The following SAMD4B variants were observed in gnomAD, a reference collection of about 807,000 sequenced individuals.
SAMD4B encodes protein Smaug homolog 2.
A neutral mutation model predicts 74.5 loss-of-function variants in SAMD4B; 5 were observed. The observed-to-expected ratio is 0.07, with a 90% CI of 0.04 to 0.14. SAMD4B has a LOEUF of 0.14. SAMD4B is among the 10% of genes least tolerant of loss of function. The probability of loss-of-function intolerance (pLI) is 1.00; values close to 1 mark genes in which losing one functional copy is unlikely to be tolerated. For missense variants in SAMD4B, 608 were observed against 921.8 expected (o/e 0.66, Z 4.41); for synonymous variants, 373 against 374.9 (o/e 1.00, Z 0.06).
Position 39,383,503 on chromosome 19 carries a change from G to T in SAMD4B, c.2061G>T (p.Gly687=). The change falls in exon 14 of 14, where the codon GGG becomes GGT. Residue 687 remains glycine (G), a synonymous_variant. Transcript: ENST00000610417. This position sits in a 1 kb window ranked among gnomAD's most constrained non-coding sequence, Gnocchi z 4.1. The part of the protein sequence containing the change: ...LSMTEHALGD[G]TDKTSTI ...TTCCTCCCTTTCTTACCACAGATGG[G>T]ACAGACAAAACCTCCACCATCTGAC... The T allele has an allele frequency of 6.2e-7, 1 of 1,614,114 alleles. No homozygotes were observed. Among genetic ancestry groups the T allele is most frequent in the Non-Finnish European group, 8.5e-7 (1 of 1,180,012 alleles).
At chr19:39,359,457 A>G (rs1247742058) in intron 3 of SAMD4B, among the ~76,000 whole-genome samples, 3 of 152,214 alleles carry the variant, frequency 2.0e-5, no homozygotes, top group South Asian at 2.1e-4. Context: ...GAATGCATAT[A>G]TATTTTCCTT....
downstream of SAMD4B, chr19:39,388,900 C>G: frequency 6.2e-7 from 1 of 1,609,754 alleles, no homozygotes; most frequent in Non-Finnish European, 8.5e-7. Context: ...TAGATGGGAA[C>G]AGGCACAAAT....
intron 3 of SAMD4B, among the ~76,000 whole-genome samples, chr19:39,367,467 C>T (rs1303351193): frequency 6.7e-6 from 1 of 150,174 alleles, no homozygotes; most frequent in African/African-American, 2.5e-5. Context: ...CCCTGTTTAG[C>T]TAGTCACAGA....
At chr19:39,348,888 G>C (rs957898440) in intron 1 of SAMD4B, among the ~76,000 whole-genome samples, 1 of 152,164 alleles carries the variant, frequency 6.6e-6, no homozygotes, top group Non-Finnish European at 1.5e-5. Flanking sequence ...TAGAGAAAGA[G>C]AGGAATCTAG....
At chr19:39,344,808 T>C (rs1232978305) in intron 1 of SAMD4B, among the ~76,000 whole-genome samples, 3 of 152,138 alleles carry the variant, frequency 2.0e-5, no homozygotes, top group Non-Finnish European at 4.4e-5. Context: ...GAGATCTTTC[T>C]TTCAGACCAT....
At chr19:39,387,380 C>G (rs1180208381), downstream of SAMD4B, among the ~76,000 whole-genome samples, 1 of 152,150 alleles carries the variant, frequency 6.6e-6, no homozygotes, top group African/African-American at 2.4e-5. Flanking sequence ...CAGTTAGTTA[C>G]CAACACTTTG....
At chr19:39,373,994 C>T (rs2077454634) in intron 4 of SAMD4B, among the ~76,000 whole-genome samples, 1 of 144,938 alleles carries the variant, frequency 6.9e-6, no homozygotes, top group Non-Finnish European at 1.5e-5. Flanking sequence ...TGACCAGGCA[C>T]AGGTGGCTTA....
chr19:39,389,433 A>G (rs533677311), downstream of SAMD4B: 59 of 1,611,966 alleles, frequency 3.7e-5, no homozygotes, highest in Middle Eastern at 4.9e-4. The surrounding 1 kb of genome is among the most constrained non-coding windows in gnomAD (Gnocchi z 5.3). Flanking sequence ...TCCTGCTTGT[A>G]GGGCCCACCT....
chr19:39,373,823 G>A (rs533038346), intron 4 of SAMD4B, among the ~76,000 whole-genome samples: 9 of 152,088 alleles, frequency 5.9e-5, no homozygotes, highest in African/African-American at 2.2e-4. Context: ...AATTAGCCAG[G>A]CGTGGTGGTG....
downstream of SAMD4B, chr19:39,389,764 G>A: frequency 1.2e-6 from 2 of 1,614,098 alleles, no homozygotes; most frequent in Non-Finnish European, 1.7e-6. The surrounding 1 kb of genome is among the most constrained non-coding windows in gnomAD (Gnocchi z 5.3). Context: ...GGACGAACCT[G>A]GGTGGGGAAA....
At chr19:39,343,857 T>G (rs2075500827) in intron 1 of SAMD4B, among the ~76,000 whole-genome samples, 1 of 151,810 alleles carries the variant, frequency 6.6e-6, no homozygotes, top group South Asian at 2.1e-4. Context: ...GAACTCCCCT[T>G]CACTAACACC....
downstream of SAMD4B, chr19:39,386,620 G>GT: frequency 6.2e-7 from 1 of 1,608,410 alleles, no homozygotes; most frequent in Non-Finnish European, 8.5e-7. This position sits in a 1 kb window ranked among gnomAD's most constrained non-coding sequence, Gnocchi z 6.1. Context: ...GTTCTGCTGG[G>GT]TTTTTGTCCC....
chr19:39,379,602 G>A (rs577046173), intron 9 of SAMD4B, among the ~76,000 whole-genome samples: 10 of 152,126 alleles, frequency 6.6e-5, no homozygotes, highest in South Asian at 4.2e-4. Context: ...ACAGAGTCTC[G>A]CTCTGTTGCC....
At chr19:39,345,826 CAGG>C (rs2075663993) in intron 1 of SAMD4B, among the ~76,000 whole-genome samples, 1 of 152,192 alleles carries the variant, frequency 6.6e-6, no homozygotes, top group Non-Finnish European at 1.5e-5. Flanking sequence ...ACTCCTCATT[CAGG>C]TTTAGTACAC....
chr19:39,367,960 A>G (rs1156691136), intron 3 of SAMD4B, among the ~76,000 whole-genome samples: 1 of 149,256 alleles, frequency 6.7e-6, no homozygotes, highest in African/African-American at 2.5e-5. Flanking sequence ...CACGCCTGTA[A>G]TCCCAGCACT....
At chr19:39,380,864 CTG>C (rs2077932275) in intron 11 of SAMD4B, 79 bp downstream of exon 11, 3 of 1,508,862 alleles carry the variant, frequency 2.0e-6, no homozygotes, top group South Asian at 1.3e-5. Flanking sequence ...CCTGTATACT[CTG>C]TGTCTGGACC....
chr19:39,388,884 T>G, downstream of SAMD4B: 1 of 1,611,676 alleles, frequency 6.2e-7, no homozygotes, highest in East Asian at 2.2e-5. Flanking sequence ...ATGGAGGCAC[T>G]GGGGTTAGAT....
chr19:39,349,480 C>T (rs766704028), intron 1 of SAMD4B, among the ~76,000 whole-genome samples: 1 of 152,164 alleles, frequency 6.6e-6, no homozygotes, highest in East Asian at 1.9e-4. Context: ...CTCTCCCTCC[C>T]TTCCCCAGCA....
intron 5 of SAMD4B, 146 bp downstream of exon 5, chr19:39,376,035 C>T: frequency 9.1e-7 from 1 of 1,099,726 alleles, no homozygotes; most frequent in Admixed American, 2.8e-5. Context: ...GCTTTTAGGG[C>T]TCAGGACTAA....
Sources: allele counts gnomAD v4.1 joint callset (sites outside exome capture counted in the v4.1 genomes callset), GRCh38; gene constraint gnomAD v4.1.1; non-coding constraint Gnocchi (gnomAD v3.1); transcripts MANE v1.5; gene names NCBI Gene and HGNC (gene_info 2026-07-23, HGNC 2026-07-21).